Variants in PPP2R2C observed in about 807,000 individuals in gnomAD.
The protein encoded by PPP2R2C is protein phosphatase 2, regulatory subunit B, gamma.
Under a neutral mutation model 45.3 loss-of-function variants are expected in PPP2R2C, and 10 were observed. That is an observed-to-expected ratio of 0.22 (90% CI 0.14 to 0.37). The LOEUF (loss-of-function observed/expected upper bound fraction) is 0.37. Among genes scored for constraint, PPP2R2C ranks in the 10% least tolerant of loss-of-function variants. PPP2R2C has a pLI of 1.00. For missense variants in PPP2R2C, 308 were observed against 619.7 expected (o/e 0.50, Z 5.34); for synonymous variants, 257 against 245.4 (o/e 1.05, Z -0.44).
chr4:6,334,666 G>A (rs1451452903), intron 6 of PPP2R2C, among the ~76,000 whole-genome samples: 3 of 152,170 alleles, frequency 2.0e-5, no homozygotes, highest in Non-Finnish European at 4.4e-5. Context: ...GAGACCCAGG[G>A]AACGATGGGA....
chr4:6,386,751 G>T (rs1716244890), intron 1 of PPP2R2C, among the ~76,000 whole-genome samples: 1 of 152,168 alleles, frequency 6.6e-6, no homozygotes, highest in African/African-American at 2.4e-5. Context: ...GACAGTCAGT[G>T]GAAACTCACC....
chr4:6,326,307 G>A (rs370345314), intron 8 of PPP2R2C, among the ~76,000 whole-genome samples: 1 of 152,044 alleles, frequency 6.6e-6, no homozygotes, highest in Non-Finnish European at 1.5e-5. Flanking sequence ...GAAAACGGCC[G>A]GAGAGAAAAA....
At chr4:6,362,950 A>G (rs1290415786) in intron 5 of PPP2R2C, among the ~76,000 whole-genome samples, 1 of 152,148 alleles carries the variant, frequency 6.6e-6, no homozygotes, top group African/African-American at 2.4e-5. Context: ...TCATCTGTAA[A>G]AGGGGGATAT....
intron 1 of PPP2R2C, among the ~76,000 whole-genome samples, chr4:6,458,000 T>C (rs1193371096): frequency 6.6e-6 from 1 of 152,234 alleles, no homozygotes; most frequent in African/African-American, 2.4e-5. Context: ...GCACAACTCC[T>C]TTCCTGGTTT....
intron 2 of PPP2R2C, among the ~76,000 whole-genome samples, chr4:6,518,269 T>C (rs1327603146): frequency 6.6e-6 from 1 of 151,864 alleles, no homozygotes; most frequent in Non-Finnish European, 1.5e-5. Flanking sequence ...GCAAATTAAA[T>C]CCACAGTAAA....
At chr4:6,380,189 G>C (rs1441778809) in intron 2 of PPP2R2C, 1 of 152,588 alleles carries the variant, frequency 6.6e-6, no homozygotes, top group East Asian at 1.9e-4. Context: ...CACTAGCTGG[G>C]TGGCTTCTCT....
At chr4:6,323,632 C>T in intron 8 of PPP2R2C, 39 bp from the exon 9 acceptor site, 1 of 1,484,142 alleles carries the variant, frequency 6.7e-7, no homozygotes, top group Non-Finnish European at 9.0e-7. Context: ...AGGAGGAGCA[C>T]AAGCCCCTTC....
chr4:6,502,361 G>A (rs1723087063), intron 2 of PPP2R2C, among the ~76,000 whole-genome samples: 3 of 152,200 alleles, frequency 2.0e-5, no homozygotes, highest in South Asian at 2.1e-4. Flanking sequence ...TGTGATGTAC[G>A]GTGCAGCTGT....
At position 6,364,852 on chromosome 4, in the gene PPP2R2C, G is replaced by A. The variant is rs985852675; in HGVS notation, c.625+7671C>T. Among the ~76,000 whole-genome samples the A allele has an allele frequency of 6.6e-6, 1 of 152,176 alleles. No individual in the cohort carries two copies. The highest frequency in any genetic ancestry group is 1.5e-5 in the Non-Finnish European group (1 of 68,032). ...CTAAACACATGCTGGGGGCAGACAG[G>A]CAGGTGGGCTCTGGGTGCATTTGGA... On this transcript the variant is annotated intron_variant, in intron 5 of 8. Coordinates refer to ENST00000382599, the MANE Select transcript of PPP2R2C (RefSeq NM_020416.4). The surrounding 1 kb of genome is among the most constrained non-coding windows in gnomAD (Gnocchi z 5.3).
chr4:6,532,855 G>A (rs569089693), intron 2 of PPP2R2C, among the ~76,000 whole-genome samples: 21 of 150,172 alleles, frequency 1.4e-4, no homozygotes, highest in South Asian at 1.0e-3. Context: ...CAGCAGCACC[G>A]GGGGGCCAGG....
chr4:6,527,970 A>T (rs75039522), intron 2 of PPP2R2C, among the ~76,000 whole-genome samples: 10,494 of 152,308 alleles, frequency 0.069, 489 homozygotes, highest in South Asian at 0.2. Flanking sequence ...GCCCCAGGAC[A>T]TGATCCACGG....
At chr4:6,354,967 C>G (rs1713016965) in intron 5 of PPP2R2C, among the ~76,000 whole-genome samples, 1 of 152,212 alleles carries the variant, frequency 6.6e-6, no homozygotes, top group Non-Finnish European at 1.5e-5. Flanking sequence ...TGCCTCAATG[C>G]TCCTTAACAA....
chr4:6,550,405 G>A (rs1049128609), intron 1 of PPP2R2C, among the ~76,000 whole-genome samples: 1 of 152,180 alleles, frequency 6.6e-6, no homozygotes, highest in Admixed American at 6.5e-5. Flanking sequence ...TTCCTCCCGG[G>A]AAGGCTACGC....
At chr4:6,512,371 G>A (rs1286546875) in intron 2 of PPP2R2C, among the ~76,000 whole-genome samples, 4 of 102,222 alleles carry the variant, frequency 3.9e-5, no homozygotes, top group South Asian at 3.9e-4. Context: ...GGTGGTGGTG[G>A]TGGTGGTGGT....
intron 5 of PPP2R2C, among the ~76,000 whole-genome samples, chr4:6,366,484 A>C (rs924593667): frequency 1.3e-5 from 2 of 152,214 alleles, no homozygotes; most frequent in Non-Finnish European, 2.9e-5. Flanking sequence ...GGATGCAGAG[A>C]GGCCTCACCC....
chr4:6,381,197 C>T (rs1053287469), intron 1 of PPP2R2C, 103 bp from the exon 2 acceptor site: 4 of 1,544,614 alleles, frequency 2.6e-6, no homozygotes, highest in Non-Finnish European at 3.5e-6. Flanking sequence ...CTCCCCGAGG[C>T]CCCACAGCCC....
chr4:6,433,457 G>A (rs941493164), intron 1 of PPP2R2C, among the ~76,000 whole-genome samples: 3 of 152,110 alleles, frequency 2.0e-5, no homozygotes, highest in South Asian at 2.1e-4. Context: ...CGCCTGAAAC[G>A]GTGCCGCCAA....
At chr4:6,326,406 C>A (rs1185849135) in intron 8 of PPP2R2C, among the ~76,000 whole-genome samples, 1 of 152,114 alleles carries the variant, frequency 6.6e-6, no homozygotes, top group Non-Finnish European at 1.5e-5. Flanking sequence ...CTCCCGCACC[C>A]GAGCACGCTC....
intron 8 of PPP2R2C, among the ~76,000 whole-genome samples, chr4:6,325,719 G>A (rs1027233243): frequency 2.0e-5 from 3 of 152,178 alleles, no homozygotes; most frequent in African/African-American, 7.2e-5. Flanking sequence ...ACCACCATGA[G>A]AGCCATTCCT....
Sources: gnomAD v4.1 joint callset for allele counts (sites outside exome capture counted in the v4.1 genomes callset) on GRCh38, gnomAD v4.1.1 for gene constraint, Gnocchi (gnomAD v3.1) non-coding constraint, MANE v1.5 for transcripts, NCBI Gene and HGNC (gene_info 2026-07-23, HGNC 2026-07-21) for gene names.